The following VCAN variants were observed in gnomAD, a reference collection of about 807,000 sequenced individuals.
The protein encoded by VCAN is versican, also known as versican core protein.
In VCAN, 44 loss-of-function variants were observed where a neutral mutation model predicts 245.5. That is an observed-to-expected ratio of 0.18 (90% CI 0.14 to 0.23). The LOEUF (loss-of-function observed/expected upper bound fraction) is 0.23. Ranked by LOEUF, VCAN falls within the 10% of genes least tolerant of loss-of-function variation. The pLI is 1.00. For synonymous variants in VCAN, 1,413 were observed against 1,437.0 expected (o/e 0.98, Z 0.38); for missense variants, 3,793 against 4,057.9 (o/e 0.93, Z 1.77).
intron 6 of VCAN, among the ~76,000 whole-genome samples, chr5:83,516,624 A>G (rs1242282212): frequency 3.9e-5 from 6 of 152,244 alleles, no homozygotes; most frequent in Admixed American, 1.3e-4. Context: ...TTGTGGGAAA[A>G]GAATCGTGTT....
At chr5:83,529,167 A>G (rs1035860206) in intron 7 of VCAN, among the ~76,000 whole-genome samples, 5 of 152,026 alleles carry the variant, frequency 3.3e-5, no homozygotes, top group Admixed American at 6.6e-5. Flanking sequence ...CTGAACCAAC[A>G]TGGAGATGTA....
Position 83,520,584 on chromosome 5 carries a change from C to T in VCAN, c.2278C>T (p.Pro760Ser). Residue 760 changes from proline to serine, a missense_variant, in exon 7 of 15, where the codon CCA becomes TCA. Coordinates refer to ENST00000265077, the MANE Select transcript of VCAN (RefSeq NM_004385.5). Reference sequence around the variant, plus strand: ...ATTGATAACAAAGTTAAGTGCAGAGCCAACAGAAGTAAGAGATATGGAGGA... The same window carrying T: ...ATTGATAACAAAGTTAAGTGCAGAGTCAACAGAAGTAAGAGATATGGAGGA... ...PTLITKLSAE[P>S]TEVRDMEEDF... 6.2e-7 allele frequency: 1 copy of T among 1,613,988 alleles called. No individual in the cohort carries two copies. Among genetic ancestry groups the T allele is most frequent in the African/African-American group, 1.3e-5 (1 of 75,044 alleles).
chr5:83,578,915 T>G (rs773961854), intron 13 of VCAN, among the ~76,000 whole-genome samples: 3 of 152,174 alleles, frequency 2.0e-5, no homozygotes, highest in Non-Finnish European at 4.4e-5. Flanking sequence ...TAAAACTATG[T>G]TAACACAAAT....
chr5:83,551,652 T>A (rs1044639690), intron 10 of VCAN, among the ~76,000 whole-genome samples: 1 of 152,242 alleles, frequency 6.6e-6, no homozygotes, highest in African/African-American at 2.4e-5. Context: ...TAATTTTACA[T>A]CATGTATCTT....
At chr5:83,558,466 C>T (rs917225660) in intron 12 of VCAN, among the ~76,000 whole-genome samples, 4 of 152,056 alleles carry the variant, frequency 2.6e-5, no homozygotes, top group African/African-American at 9.7e-5. Context: ...GCTTCTCCGT[C>T]TTGGGTGGTA....
intron 5 of VCAN, among the ~76,000 whole-genome samples, chr5:83,511,018 G>A (rs1745635293): frequency 6.6e-6 from 1 of 152,108 alleles, no homozygotes; most frequent in Non-Finnish European, 1.5e-5. Context: ...GGAGGCTGAG[G>A]CAGGAGAATC....
intron 5 of VCAN, among the ~76,000 whole-genome samples, chr5:83,499,410 G>C (rs939116167): frequency 6.6e-6 from 1 of 152,066 alleles, no homozygotes; most frequent in Non-Finnish European, 1.5e-5. Context: ...TAAATAGTTG[G>C]TGGTAATTAT....
At chr5:83,483,481 G>A (rs772350973) in intron 1 of VCAN, 32 bp from the exon 2 acceptor site, 14 of 1,579,912 alleles carry the variant, frequency 8.9e-6, no homozygotes, top group African/African-American at 1.3e-5. Context: ...CTGAATGCTT[G>A]TGATTTACTT....
chr5:83,555,016 G>T lies in VCAN; in HGVS notation c.9713G>T (p.Arg3238Leu). 6.2e-7 allele frequency: 1 copy of T among 1,613,662 alleles called. No individual in the cohort carries two copies. Among genetic ancestry groups the T allele is most frequent in the Non-Finnish European group, 8.5e-7 (1 of 1,179,662 alleles). ...GACAAGATGTTTGAGCATGACTTCC[G>T]TTGGACTGATGGCAGCACACTGGTA... The part of the protein sequence containing the change: ...LNDKMFEHDF[R>L]WTDGSTLQYE... The change falls in exon 12 of 15, where the codon CGT becomes CTT. Residue 3238 changes from arginine (R) to leucine (L), a missense_variant. Around this residue, in one of 5 missense-constraint regions of VCAN, gnomAD observed 205 missense variants for 321.1 expected, o/e 0.64. Transcript: ENST00000265077.
chr5:83,475,470 G>C lies in VCAN; in HGVS notation c.-7+3447G>C, dbSNP rs548468134. 7.9e-5 allele frequency among the ~76,000 whole-genome samples: 12 copies of C among 152,238 alleles called. 1 individual carries two copies. In the South Asian group the frequency reaches 2.5e-3, roughly 32 times the overall value. ...TTGACAATTTCGCCAAACCCATCCT[G>C]AAAATATTCACATAAAGTCCTAAAA... is the stretch of plus-strand genomic sequence containing the variant. On this transcript the variant is annotated intron_variant, in intron 1 of 14. Coordinates refer to ENST00000265077, the MANE Select transcript of VCAN (RefSeq NM_004385.5).
intron 13 of VCAN, among the ~76,000 whole-genome samples, chr5:83,577,643 T>G (rs1380584197): frequency 6.6e-6 from 1 of 152,154 alleles, no homozygotes. Flanking sequence ...AAAGATATTC[T>G]ATAGTTTCTA....
At position 83,540,119 on chromosome 5, in the gene VCAN, T is replaced by C. The variant is rs779690845; in HGVS notation, c.7116T>C (p.Ser2372=). 1.2e-6 allele frequency: 2 copies of C among 1,613,976 alleles called. No individual in the cohort carries two copies. Among genetic ancestry groups the C allele is most frequent in the South Asian group, 1.1e-5 (1 of 91,072 alleles). Residue 2372 remains serine (S), a synonymous_variant, in exon 8 of 15, where the codon AGT becomes AGC. Transcript: ENST00000265077. ...TVRWAEEIQT[S]RPQTITEQDS... ...GGTGGGCAGAAGAAATCCAGACTAG[T>C]AGACCACAAACCATAACTGAACAAG...
intron 5 of VCAN, among the ~76,000 whole-genome samples, chr5:83,495,357 G>C (rs1382046969): frequency 6.6e-6 from 1 of 152,190 alleles, no homozygotes; most frequent in African/African-American, 2.4e-5. Context: ...GGGTGCTTAG[G>C]TGTGGTTCTC....
intron 7 of VCAN, among the ~76,000 whole-genome samples, chr5:83,533,697 CATT>C (rs796108134): frequency 5.3e-5 from 8 of 152,180 alleles, no homozygotes; most frequent in African/African-American, 1.9e-4. Context: ...GTGATTGAAA[CATT>C]ATCATATTTA....
chr5:83,527,044 T>C (rs1163721279), intron 7 of VCAN, among the ~76,000 whole-genome samples: 1 of 152,200 alleles, frequency 6.6e-6, no homozygotes, highest in Non-Finnish European at 1.5e-5. Flanking sequence ...TCTCTCCTGA[T>C]GAGCTCTGAG....
intron 7 of VCAN, among the ~76,000 whole-genome samples, chr5:83,528,743 A>G (rs1746398526): frequency 6.6e-6 from 1 of 152,150 alleles, no homozygotes; most frequent in South Asian, 2.1e-4. Flanking sequence ...CTAAAAGGTG[A>G]TTTAAAGGTT....
chr5:83,547,893 A>ATCT (rs1747295227), intron 9 of VCAN, 78 bp from the exon 10 acceptor site: 4 of 946,620 alleles, frequency 4.2e-6, no homozygotes, highest in Non-Finnish European at 6.4e-6. Flanking sequence ...CTTGTATGTT[A>ATCT]TCTTGCAACC....
intron 2 of VCAN, among the ~76,000 whole-genome samples, chr5:83,485,624 C>A (rs1292088654): frequency 1.3e-5 from 2 of 151,918 alleles, no homozygotes; most frequent in Non-Finnish European, 2.9e-5. Flanking sequence ...TAGTTTAGAT[C>A]AGGTAGCAGT....
chr5:83,492,687 G>C (rs1273171039), intron 3 of VCAN, among the ~76,000 whole-genome samples: 1 of 152,182 alleles, frequency 6.6e-6, no homozygotes, highest in Non-Finnish European at 1.5e-5. Flanking sequence ...TTTGAGGCAA[G>C]TATCAGGAGC....
Sources: gnomAD v4.1 joint callset for allele counts (sites outside exome capture counted in the v4.1 genomes callset) on GRCh38, gnomAD v4.1.1 for gene constraint, gnomAD v4.1.1 regional missense constraint, MANE v1.5 for transcripts, NCBI Gene and HGNC (gene_info 2026-07-23, HGNC 2026-07-21) for gene names.